CDC25A: variants seen among roughly 807,000 people sequenced by gnomAD.
The protein encoded by CDC25A is cell division cycle 25A, also known as M-phase inducer phosphatase 1.
Under a neutral mutation model 64.6 loss-of-function variants are expected in CDC25A, and 17 were observed. The ratio of observed to expected loss-of-function variants is 0.26; its 90% CI spans 0.18 to 0.39. The LOEUF (loss-of-function observed/expected upper bound fraction) is 0.39. Ranked by LOEUF, CDC25A falls within the 10% of genes least tolerant of loss-of-function variation. The pLI, the probability that CDC25A is intolerant of heterozygous loss-of-function variation, is 1.00. For missense variants in CDC25A, 473 were observed against 654.8 expected (o/e 0.72, Z 3.03); for synonymous variants, 229 against 238.6 (o/e 0.96, Z 0.37).
chr3:48,169,112 T>C (rs1035723754), intron 9 of CDC25A, among the ~76,000 whole-genome samples: 7 of 152,202 alleles, frequency 4.6e-5, no homozygotes, highest in African/African-American at 1.7e-4. Flanking sequence ...TGCTTTCAAC[T>C]TTGGAAGATG....
intron 13 of CDC25A, chr3:48,161,072 A>C (rs1305937026): frequency 2.0e-5 from 3 of 150,700 alleles, no homozygotes; most frequent in East Asian, 3.9e-4. Context: ...GAAATGCTTG[A>C]ACCCGGGAGG....
intron 2 of CDC25A, 141 bp downstream of exon 2, chr3:48,186,562 T>G (rs1328268096): frequency 1.8e-6 from 1 of 540,902 alleles, no homozygotes; most frequent in African/African-American, 2.0e-5. Context: ...AGAGCGAAAC[T>G]CTGTCTCAAA....
Position 48,187,985 on chromosome 3 carries a change from C to T in CDC25A, c.-38G>A. ...CCTCGCAGAGCTCCCGCTCCCTCTT[C>T]CTCTGCCTCCGCCGCGACCGCCCCG... On this transcript the variant is annotated 5_prime_UTR_variant, in exon 1 of 15. Coordinates refer to ENST00000302506, the MANE Select transcript of CDC25A (RefSeq NM_001789.3). The T allele has an allele frequency of 2.2e-6, 3 of 1,365,350 alleles. No homozygotes were observed. The highest frequency in any genetic ancestry group is 2.8e-6 in the Non-Finnish European group (3 of 1,065,250). The allele number at this position is 1,365,350 out of a possible 1,614,324, so 84.6% of individuals were successfully genotyped here.
At chr3:48,181,881 C>T (rs888957266) in intron 5 of CDC25A, among the ~76,000 whole-genome samples, 1 of 151,664 alleles carries the variant, frequency 6.6e-6, no homozygotes. Flanking sequence ...AACTTTTTAA[C>T]CATCAAATAC....
At chr3:48,178,174 G>A (rs1014445964) in intron 6 of CDC25A, among the ~76,000 whole-genome samples, 186 bp from the exon 7 acceptor site, 3 of 152,144 alleles carry the variant, frequency 2.0e-5, no homozygotes, top group African/African-American at 7.2e-5. Context: ...ACCACACACA[G>A]CCCTGAGTAG....
intron 2 of CDC25A, 53 bp downstream of exon 2, chr3:48,186,650 G>T: frequency 8.9e-7 from 1 of 1,123,920 alleles, no homozygotes; most frequent in Non-Finnish European, 1.3e-6. Context: ...TGGGTGAAAA[G>T]GCATGTTTCA....
chr3:48,162,348 T>C (rs1212326533), intron 13 of CDC25A, among the ~76,000 whole-genome samples: 1 of 151,724 alleles, frequency 6.6e-6, no homozygotes, highest in Non-Finnish European at 1.5e-5. Context: ...TACAGTGGCA[T>C]GATCATGGCT....
chr3:48,187,951 G>A lies in CDC25A; in HGVS notation c.-4C>T. 1.3e-6 allele frequency: 2 copies of A among 1,483,650 alleles called. No individual in the cohort carries two copies. Among genetic ancestry groups the A allele is most frequent in the Non-Finnish European group, 8.9e-7 (1 of 1,121,978 alleles). The allele number at this position is 1,483,650 out of a possible 1,614,324, so 91.9% of individuals were successfully genotyped here. A position where few individuals can be genotyped will look rare whatever the true frequency, so the allele number is the denominator to read the frequency against. Reference sequence around the variant, plus strand: ...GGGGCTCCGGGCCCAGTTCCATGGCGGCGCCCGGCCTCGCAGAGCTCCCGC... The same window carrying A: ...GGGGCTCCGGGCCCAGTTCCATGGCAGCGCCCGGCCTCGCAGAGCTCCCGC... On this transcript the variant is annotated 5_prime_UTR_variant, in exon 1 of 15. Transcript: ENST00000302506.
chr3:48,181,376 G>A (rs906699374), intron 5 of CDC25A, among the ~76,000 whole-genome samples: 30 of 151,800 alleles, frequency 2.0e-4, no homozygotes, highest in Non-Finnish European at 1.5e-5. Flanking sequence ...AATACATATC[G>A]TATGATTCCA....
rs995145614 is a variant in CDC25A, at chr3:48,158,359, C to T, written c.*586G>A. 1.3e-5 allele frequency: 2 copies of T among 152,148 alleles called. No homozygotes were observed. The highest frequency in any genetic ancestry group is 4.8e-5 in the African/African-American group (2 of 41,290). The allele number at this position is 152,148 out of a possible 1,614,324, so 9.4% of individuals were successfully genotyped here. On this transcript the variant is annotated 3_prime_UTR_variant, in exon 15 of 15. Transcript: ENST00000302506. The stretch of plus-strand genomic sequence containing the variant: ...TAACAGGTTTGCATTTTCTTACCCA[C>T]TTCTTTTTTTTTTTTAAATTAAAAG...
chr3:48,180,597 T>C (rs1575271399), intron 6 of CDC25A, 124 bp downstream of exon 6: 3 of 1,029,762 alleles, frequency 2.9e-6, no homozygotes, highest in Non-Finnish European at 4.2e-6. Context: ...CAGTCTAATT[T>C]CAAAAGACAA....
intron 13 of CDC25A, among the ~76,000 whole-genome samples, chr3:48,162,997 T>C (rs928444695): frequency 3.3e-5 from 5 of 151,856 alleles, no homozygotes; most frequent in Non-Finnish European, 4.4e-5. Context: ...AATTTGAAAT[T>C]TCTGCTGGGC....
At chr3:48,173,827 A>C (rs3731520) in intron 9 of CDC25A, among the ~76,000 whole-genome samples, 3 of 152,256 alleles carry the variant, frequency 2.0e-5, no homozygotes, top group Admixed American at 2.0e-4. Context: ...CACCGGTCAT[A>C]CCAAGAACCA....
chr3:48,159,313 G>T, intron 14 of CDC25A, 31 bp downstream of exon 14: 1 of 1,488,460 alleles, frequency 6.7e-7, no homozygotes, highest in Non-Finnish European at 9.4e-7. Context: ...GGGCAGGGGA[G>T]GAGAGATGCT....
At chr3:48,162,266 T>TTGTGTGTGTG (rs35591959) in intron 13 of CDC25A, among the ~76,000 whole-genome samples, 2 of 144,794 alleles carry the variant, frequency 1.4e-5, no homozygotes, top group Non-Finnish European at 3.0e-5. Context: ...AGTATAACCT[T>TTGTGTGTGTG]TGTGTGTGTG....
At chr3:48,183,588 G>A (rs2032744688) in intron 4 of CDC25A, among the ~76,000 whole-genome samples, 1 of 152,142 alleles carries the variant, frequency 6.6e-6, no homozygotes, top group Admixed American at 6.5e-5. Context: ...AGTTGAGGTG[G>A]GAGGATCACT....
intron 13 of CDC25A, 89 bp from the exon 14 acceptor site, chr3:48,159,544 T>TC (rs549405660): frequency 9.6e-6 from 8 of 829,178 alleles, no homozygotes; most frequent in Non-Finnish European, 1.7e-5. Flanking sequence ...GTGGTCTAAG[T>TC]CCCCCTTATA....
At chr3:48,177,479 G>A (rs2032506171) in intron 7 of CDC25A, 37 bp from the exon 8 acceptor site, 1 of 1,500,032 alleles carries the variant, frequency 6.7e-7, no homozygotes, top group Admixed American at 1.7e-5. Flanking sequence ...AAAAGAGCCT[G>A]TAGAGACTAA....
chr3:48,164,878 C>T (rs1385948576), intron 12 of CDC25A, among the ~76,000 whole-genome samples: 2 of 151,176 alleles, frequency 1.3e-5, no homozygotes, highest in Non-Finnish European at 1.5e-5. Flanking sequence ...GAGGCTGAGG[C>T]GGGCGGTTTG....
Sources: gnomAD v4.1 joint callset for allele counts (sites outside exome capture counted in the v4.1 genomes callset) on GRCh38, gnomAD v4.1.1 for gene constraint, MANE v1.5 for transcripts, NCBI Gene and HGNC (gene_info 2026-07-23, HGNC 2026-07-21) for gene names.